TBC1D8: variants seen among roughly 807,000 people sequenced by gnomAD.
TBC1D8 encodes the protein TBC1 domain family member 8.
Under a neutral mutation model 118.8 loss-of-function variants are expected in TBC1D8, and 65 were observed. The observed-to-expected ratio is 0.55, with a 90% CI of 0.45 to 0.67. The LOEUF (loss-of-function observed/expected upper bound fraction) is 0.67. Ranked by LOEUF, TBC1D8 falls within the 30% of genes least tolerant of loss-of-function variation. The pLI, the probability that TBC1D8 is intolerant of heterozygous loss-of-function variation, is 0.00. For missense variants in TBC1D8, 1,376 were observed against 1,471.2 expected, an observed-to-expected ratio of 0.94 and a Z score of 1.06; for synonymous variants, 566 against 595.8, an observed-to-expected ratio of 0.95 and a Z score of 0.73.
At chr2:101,117,604 C>T (rs538324498) in intron 1 of TBC1D8, among the ~76,000 whole-genome samples, 43 of 141,368 alleles carry the variant, frequency 3.0e-4, no homozygotes, top group Non-Finnish European at 2.7e-4. Context: ...GACAGAGTCT[C>T]GCTCTGTCGC....
At chr2:101,046,443 C>T (rs1260974555) in intron 5 of TBC1D8, among the ~76,000 whole-genome samples, 3 of 152,194 alleles carry the variant, frequency 2.0e-5, no homozygotes, top group Non-Finnish European at 4.4e-5. Flanking sequence ...CCTAAGCCAA[C>T]CTGCTGACAA....
chr2:101,072,930 A>G (rs1674547707), intron 2 of TBC1D8, among the ~76,000 whole-genome samples: 1 of 152,190 alleles, frequency 6.6e-6, no homozygotes, highest in African/African-American at 2.4e-5. Flanking sequence ...TCACATTTCA[A>G]TATGAGATTC....
intron 17 of TBC1D8, among the ~76,000 whole-genome samples, chr2:101,017,394 A>G (rs1008565367): frequency 2.4e-4 from 36 of 152,230 alleles, no homozygotes; most frequent in African/African-American, 8.0e-4. Context: ...TTTATATGCT[A>G]TACTTTTATA....
At chr2:101,122,632 A>T (rs906440974) in intron 1 of TBC1D8, among the ~76,000 whole-genome samples, 10 of 152,136 alleles carry the variant, frequency 6.6e-5, no homozygotes, top group African/African-American at 2.4e-4. Flanking sequence ...TTTCATTCCC[A>T]AGGACAGCCA....
At chr2:101,013,907 A>G (rs577978913) in intron 17 of TBC1D8, among the ~76,000 whole-genome samples, 1 of 152,338 alleles carries the variant, frequency 6.6e-6, no homozygotes, top group South Asian at 2.1e-4. Flanking sequence ...TCATCCCTCC[A>G]TAGTGGTTGG....
intron 2 of TBC1D8, among the ~76,000 whole-genome samples, chr2:101,085,347 G>GCAACTCCCCACCCTGA (rs1675542955): frequency 6.6e-6 from 1 of 151,918 alleles, no homozygotes; most frequent in African/African-American, 2.4e-5. Flanking sequence ...AGAAATGTGG[G>GCAACTCCCCACCCTGA]CAACTCCCCA....
chr2:101,011,441 AG>A lies in TBC1D8; in HGVS notation c.2917+9del, dbSNP rs1396340330. The A allele has an allele frequency of 6.2e-7, 1 of 1,613,780 alleles. No homozygotes were observed. Among genetic ancestry groups the A allele is most frequent in the South Asian group, 1.1e-5 (1 of 91,078 alleles). On this transcript the variant is annotated intron_variant, in intron 18 of 19. Transcript: ENST00000409318. ...TGCAGGGGAAAGCAACAATGAAAAG[AG>A]GTACGTGCCATTGGGTTTCCCGAAA...
At chr2:101,023,985 A>T (rs577496507) in intron 15 of TBC1D8, 1 of 152,762 alleles carries the variant, frequency 6.5e-6, no homozygotes, top group Non-Finnish European at 1.5e-5. Context: ...TAACCACAAG[A>T]ACTTTTAAGT....
intron 11 of TBC1D8, among the ~76,000 whole-genome samples, chr2:101,030,418 C>A (rs915960684): frequency 6.6e-6 from 1 of 152,224 alleles, no homozygotes; most frequent in Non-Finnish European, 1.5e-5. Flanking sequence ...AAAGAGACAT[C>A]ATTAATCATC....
At chr2:101,081,165 T>G (rs1252570212) in intron 2 of TBC1D8, among the ~76,000 whole-genome samples, 1 of 152,216 alleles carries the variant, frequency 6.6e-6, no homozygotes, top group Non-Finnish European at 1.5e-5. Context: ...AAAAGGATGT[T>G]TTTTCCATTT....
At chr2:101,061,834 G>C (rs1464676454) in intron 2 of TBC1D8, among the ~76,000 whole-genome samples, 1 of 152,166 alleles carries the variant, frequency 6.6e-6, no homozygotes, top group Non-Finnish European at 1.5e-5. Context: ...TGGCCCTTCA[G>C]GCTCCCCATC....
At chr2:101,107,340 G>A (rs1307887523) in intron 1 of TBC1D8, among the ~76,000 whole-genome samples, 1 of 152,138 alleles carries the variant, frequency 6.6e-6, no homozygotes, top group Non-Finnish European at 1.5e-5. Flanking sequence ...TGGTATCTGT[G>A]AGGGTGTTTC....
At chr2:101,047,165 C>T (rs922902718) in intron 5 of TBC1D8, among the ~76,000 whole-genome samples, 2 of 152,322 alleles carry the variant, frequency 1.3e-5, no homozygotes, top group Admixed American at 1.3e-4. Flanking sequence ...CCCAGGGCCT[C>T]CCCTGCGCCC....
chr2:101,103,313 T>C (rs1354510804), intron 1 of TBC1D8, among the ~76,000 whole-genome samples: 17 of 125,416 alleles, frequency 1.4e-4, no homozygotes, highest in South Asian at 4.8e-4. Context: ...CATCCATTCA[T>C]GATTTTAAAA....
chr2:101,075,102 T>C (rs983738622), intron 2 of TBC1D8, among the ~76,000 whole-genome samples: 11 of 152,064 alleles, frequency 7.2e-5, no homozygotes, highest in African/African-American at 2.7e-4. Context: ...TGTTACAGTT[T>C]AGTCATAGAA....
chr2:101,147,990 T>C (rs183924267), intron 1 of TBC1D8, among the ~76,000 whole-genome samples: 153 of 152,308 alleles, frequency 1.0e-3, no homozygotes, highest in Non-Finnish European at 1.6e-3. Context: ...AATTCTGCCA[T>C]GCTATGCTCT....
chr2:101,037,627 C>T lies in TBC1D8; in HGVS notation c.1357G>A (p.Glu453Lys), dbSNP rs201011787. 1.2e-4 allele frequency: 201 copies of T among 1,613,916 alleles called. No individual in the cohort carries two copies. Among genetic ancestry groups the T allele is most frequent in the African/African-American group, 5.3e-4 (40 of 75,036 alleles). Residue 453 changes from glutamate (E) to lysine (K), a missense_variant, in exon 8 of 20, where the codon GAG (glutamate) becomes AAG (lysine). By Grantham distance (56) the Glu-to-Lys change is moderately conservative. Transcript: ENST00000409318. The stretch of plus-strand genomic sequence containing the variant: ...GGGCTCTTCTCTTTCTCACTCTCCT[C>T]GCTATTTTGAGAAGACATCATTTCA... ...DLEMMSSQNS[E>K]ESEKEKSPLM...
chr2:101,024,678 A>T (rs1047535131), intron 15 of TBC1D8, among the ~76,000 whole-genome samples: 1 of 152,168 alleles, frequency 6.6e-6, no homozygotes, highest in South Asian at 2.1e-4. Flanking sequence ...CAGTGCTGGG[A>T]TTACAGACAT....
In TBC1D8 at chr2:101,096,416, T is replaced by TGAC. The variant is rs1427345304; in HGVS notation, c.128-6055_128-6053dup. Among the ~76,000 whole-genome samples, 3 of 30,332 alleles carry TGAC rather than the reference T, an allele frequency of 9.9e-5. No individual in the cohort carries two copies. In the South Asian group the frequency reaches 2.5e-3, roughly 25 times the overall value. 19.9% of individuals were successfully genotyped at this position (30,332 alleles called of 152,430 possible). A position where few individuals can be genotyped will look rare whatever the true frequency, so the allele number is the denominator to read the frequency against. ...TACCCAAAATATTATGTCTGGCTTT[T>TGAC]GACAAAAAAAAAAAAAAAAAAAAAA... On this transcript the variant is annotated intron_variant, in intron 1 of 19. Coordinates refer to ENST00000409318, the MANE Select transcript of TBC1D8 (RefSeq NM_001330348.2).
Sources: gnomAD v4.1 joint callset for allele counts (sites outside exome capture counted in the v4.1 genomes callset) on GRCh38, gnomAD v4.1.1 for gene constraint, MANE v1.5 for transcripts, NCBI Gene and HGNC (gene_info 2026-07-23, HGNC 2026-07-21) for gene names.